The following GRIK3 variants were observed in gnomAD, a reference collection of about 807,000 sequenced individuals.
GRIK3 encodes the protein glutamate ionotropic receptor kainate type subunit 3, also known as glutamate receptor ionotropic, kainate 3.
In GRIK3, 29 loss-of-function variants were observed where a neutral mutation model predicts 102.5. The observed-to-expected ratio is 0.28, with a 90% confidence interval of 0.21 to 0.39. The LOEUF is 0.39. Among genes scored for constraint, GRIK3 ranks in the 10% least tolerant of loss-of-function variants. The pLI is 1.00. For synonymous variants in GRIK3, 511 were observed against 504.9 expected, an observed-to-expected ratio of 1.01 and a Z score of -0.16; for missense variants, 908 against 1,252.4, an observed-to-expected ratio of 0.73 and a Z score of 4.15.
chr1:36,960,916 A>G (rs1642000591), intron 1 of GRIK3, among the ~76,000 whole-genome samples: 1 of 152,288 alleles, frequency 6.6e-6, no homozygotes, highest in South Asian at 2.1e-4. Flanking sequence ...AATCCCTCAG[A>G]GAGGAAAGAG....
intron 1 of GRIK3, among the ~76,000 whole-genome samples, chr1:36,974,697 G>A (rs905679391): frequency 6.6e-6 from 1 of 152,014 alleles, no homozygotes; most frequent in Non-Finnish European, 1.5e-5. Flanking sequence ...CCAATCGGGA[G>A]GCTGAGGCAG....
intron 1 of GRIK3, among the ~76,000 whole-genome samples, chr1:36,996,701 G>A (rs376239689): frequency 4.9e-4 from 74 of 152,294 alleles, no homozygotes; most frequent in African/African-American, 1.7e-3. Flanking sequence ...ATTCCTGGTG[G>A]GGAACAGCGG....
intron 9 of GRIK3, among the ~76,000 whole-genome samples, chr1:36,848,750 T>A (rs1640546580): frequency 6.6e-6 from 1 of 152,048 alleles, no homozygotes; most frequent in Non-Finnish European, 1.5e-5. Flanking sequence ...TCTTGTTATT[T>A]GTTTATTTTC....
At position 36,913,156 on chromosome 1, in the gene GRIK3, C is replaced by G. The variant is rs567400107; in HGVS notation, c.116-22060G>C. 5.9e-5 allele frequency among the ~76,000 whole-genome samples: 9 copies of G among 152,302 alleles called. No homozygotes were observed. In the South Asian group the frequency reaches 1.5e-3, roughly 25 times the overall value. The stretch of plus-strand genomic sequence containing the variant: ...AGCTGCACAGAGAGGGCCTGGCTCT[C>G]CCTGGATGGGGGCGTGTCCCACCAC... On this transcript the variant is annotated intron_variant, in intron 1 of 15. Transcript: ENST00000373091.
At chr1:36,996,786 G>A (rs1161603252) in intron 1 of GRIK3, among the ~76,000 whole-genome samples, 2 of 152,172 alleles carry the variant, frequency 1.3e-5, no homozygotes, top group Non-Finnish European at 2.9e-5. Flanking sequence ...TCCAGGGGCT[G>A]TCCAGCTCTC....
intron 9 of GRIK3, among the ~76,000 whole-genome samples, chr1:36,843,396 C>T (rs1031944083): frequency 5.3e-5 from 8 of 152,330 alleles, no homozygotes; most frequent in East Asian, 3.9e-4. Flanking sequence ...GACTGTTTGA[C>T]TTAAGCCTCA....
chr1:36,991,981 T>G (rs1642368016), intron 1 of GRIK3, among the ~76,000 whole-genome samples: 1 of 152,134 alleles, frequency 6.6e-6, no homozygotes, highest in Admixed American at 6.5e-5. Flanking sequence ...GGAAGGGGAC[T>G]GGGAATCTGG....
At chr1:36,994,483 GCAT>G (rs1160828433) in intron 1 of GRIK3, among the ~76,000 whole-genome samples, 1 of 152,166 alleles carries the variant, frequency 6.6e-6, no homozygotes, top group African/African-American at 2.4e-5. Flanking sequence ...CTATGAAATG[GCAT>G]CAATCTCATA....
intron 1 of GRIK3, among the ~76,000 whole-genome samples, chr1:37,005,486 C>T (rs1464602827): frequency 6.6e-6 from 1 of 152,232 alleles, no homozygotes; most frequent in African/African-American, 2.4e-5. Flanking sequence ...CCCAGAAAGT[C>T]AGAGAACAAC....
At chr1:36,863,483 A>AT (rs57618920) in intron 5 of GRIK3, among the ~76,000 whole-genome samples, 3,797 of 151,530 alleles carry the variant, frequency 0.025, 163 homozygotes, top group East Asian at 0.13. Context: ...TACCCTCTCA[A>AT]TTTTTTTGTC....
intron 4 of GRIK3, among the ~76,000 whole-genome samples, chr1:36,870,070 A>G (rs1640825459): frequency 6.6e-6 from 1 of 152,272 alleles, no homozygotes; most frequent in African/African-American, 2.4e-5. Context: ...CAAATTCTGC[A>G]GGGCCCGTGG....
intron 13 of GRIK3, among the ~76,000 whole-genome samples, chr1:36,814,886 A>C (rs1053733587): frequency 1.3e-5 from 2 of 152,206 alleles, no homozygotes. Context: ...CCACATGCCC[A>C]GATCACAGAG....
At chr1:37,011,904 C>A (rs1238182313) in intron 1 of GRIK3, among the ~76,000 whole-genome samples, 1 of 152,126 alleles carries the variant, frequency 6.6e-6, no homozygotes, top group African/African-American at 2.4e-5. Flanking sequence ...TTCCAGAGTG[C>A]CCTGGAAAGC....
At chr1:37,026,473 C>G (rs973052339) in intron 1 of GRIK3, among the ~76,000 whole-genome samples, 2 of 152,226 alleles carry the variant, frequency 1.3e-5, no homozygotes, top group African/African-American at 4.8e-5. Context: ...CCTCAGAGCT[C>G]AGAGTCGGTG....
intron 1 of GRIK3, among the ~76,000 whole-genome samples, chr1:37,029,214 G>A (rs943736151): frequency 2.0e-5 from 3 of 152,222 alleles, no homozygotes; most frequent in African/African-American, 7.2e-5. Flanking sequence ...ATACCAGGCA[G>A]GCCCTTAGTG....
intron 1 of GRIK3, among the ~76,000 whole-genome samples, chr1:36,910,005 G>A (rs1358843102): frequency 6.6e-6 from 1 of 152,174 alleles, no homozygotes; most frequent in Non-Finnish European, 1.5e-5. Flanking sequence ...AAAACCAGGG[G>A]GAAGCTCCTT....
intron 1 of GRIK3, among the ~76,000 whole-genome samples, chr1:36,945,124 A>T (rs1641768277): frequency 6.6e-6 from 1 of 152,274 alleles, no homozygotes; most frequent in Non-Finnish European, 1.5e-5. Context: ...CTGGAGCACA[A>T]GGGCGGACGC....
intron 1 of GRIK3, among the ~76,000 whole-genome samples, chr1:36,949,771 G>A (rs1641824192): frequency 6.6e-6 from 1 of 151,684 alleles, no homozygotes; most frequent in Non-Finnish European, 1.5e-5. Flanking sequence ...AGAGACAGGG[G>A]GGTCACCATG....
At chr1:36,831,274 C>T (rs555613564) in intron 10 of GRIK3, among the ~76,000 whole-genome samples, 17 of 152,306 alleles carry the variant, frequency 1.1e-4, no homozygotes, top group African/African-American at 3.6e-4. Flanking sequence ...TGGGGCTTCC[C>T]GGCATATACT....
Sources: allele counts gnomAD v4.1 joint callset (sites outside exome capture counted in the v4.1 genomes callset), GRCh38; gene constraint gnomAD v4.1.1; transcripts MANE v1.5; gene names NCBI Gene and HGNC (gene_info 2026-07-23, HGNC 2026-07-21).